Variants in MKLN1 observed in about 807,000 individuals in gnomAD.
MKLN1 encodes muskelin 1.
Under a neutral mutation model 99.0 loss-of-function variants are expected in MKLN1, and 18 were observed. That is an observed-to-expected ratio of 0.18 (90% CI 0.13 to 0.27). The LOEUF (loss-of-function observed/expected upper bound fraction) is 0.27. MKLN1 is among the 10% of genes least tolerant of loss of function. The pLI, the probability that MKLN1 is intolerant of heterozygous loss-of-function variation, is 1.00. For synonymous variants in MKLN1, 288 were observed against 293.2 expected, an observed-to-expected ratio of 0.98 and a Z score of 0.18; for missense variants, 621 against 875.9, an observed-to-expected ratio of 0.71 and a Z score of 3.67.
intron 1 of MKLN1, among the ~76,000 whole-genome samples, chr7:131,339,154 A>T (rs1284852836): frequency 2.6e-5 from 4 of 152,186 alleles, no homozygotes; most frequent in Non-Finnish European, 5.9e-5. Flanking sequence ...GTTAAGTTTT[A>T]TGGGAGTCAA....
At chr7:131,135,758 A>C (rs750959024) in intron 1 of MKLN1, among the ~76,000 whole-genome samples, 5 of 152,184 alleles carry the variant, frequency 3.3e-5, no homozygotes, top group Non-Finnish European at 7.3e-5. Context: ...CAGTGGAGTA[A>C]TAGGGGCAAA....
At chr7:131,291,844 C>A (rs546093869) in intron 3 of MKLN1, among the ~76,000 whole-genome samples, 7 of 151,056 alleles carry the variant, frequency 4.6e-5, no homozygotes, top group African/African-American at 1.7e-4. Flanking sequence ...GCAGCTCACA[C>A]CTGTAATAAC....
chr7:131,410,197 T>C (rs1348771052), intron 6 of MKLN1, among the ~76,000 whole-genome samples: 1 of 152,158 alleles, frequency 6.6e-6, no homozygotes, highest in Non-Finnish European at 1.5e-5. Flanking sequence ...GTGTAACAAC[T>C]TAAGTAGATT....
At chr7:131,193,265 A>G (rs1007057624) in intron 2 of MKLN1, among the ~76,000 whole-genome samples, 3 of 152,116 alleles carry the variant, frequency 2.0e-5, no homozygotes, top group Admixed American at 2.0e-4. Context: ...TCCTTACTAT[A>G]TGTCTTGTTG....
chr7:131,444,674 C>T (rs1395706229), intron 11 of MKLN1, among the ~76,000 whole-genome samples: 2 of 151,056 alleles, frequency 1.3e-5, no homozygotes, highest in Non-Finnish European at 2.9e-5. Context: ...CTTAGCCCCC[C>T]AAGTAGCTAA....
rs1205281135 is a variant in MKLN1, at chr7:131,464,354, A to G, written c.1734A>G (p.Glu578=). Residue 578 remains glutamate (E), a synonymous_variant, in exon 14 of 18, where the codon GAA becomes GAG. Coordinates refer to ENST00000352689, the MANE Select transcript of MKLN1 (RefSeq NM_013255.5). ...AKDNPTKSLQ[E]EEPCPRFAHQ... is the part of the protein sequence containing the mutation. ...ATAATCCAACTAAAAGTCTTCAGGA[A>G]GAAGAACCATGTCCAAGGTTTGCCC... 1.9e-6 allele frequency: 3 copies of G among 1,613,650 alleles called. No individual in the cohort carries two copies. The East Asian group carries it at 6.7e-5, about 36-fold the overall frequency.
At chr7:131,357,576 A>G in intron 1 of MKLN1, among the ~76,000 whole-genome samples, 1 of 152,162 alleles carries the variant, frequency 6.6e-6, no homozygotes, top group Non-Finnish European at 1.5e-5. Context: ...TATTTGTATC[A>G]TGTGGACTCA....
intron 6 of MKLN1, among the ~76,000 whole-genome samples, chr7:131,405,095 GAATTGTCTAT>G (rs930739212): frequency 3.1e-4 from 47 of 152,150 alleles, no homozygotes; most frequent in African/African-American, 1.1e-3. Context: ...ATTTTTCTAG[GAATTGTCTAT>G]AATTGTCTAT....
At chr7:131,388,719 C>T (rs1794107792) in intron 3 of MKLN1, among the ~76,000 whole-genome samples, 165 bp from the exon 4 acceptor site, 1 of 152,078 alleles carries the variant, frequency 6.6e-6, no homozygotes. Context: ...TTGAATGTAC[C>T]GGTTTTGACC....
intron 3 of MKLN1, among the ~76,000 whole-genome samples, chr7:131,204,438 G>C (rs1796775380): frequency 6.6e-6 from 1 of 152,126 alleles, no homozygotes; most frequent in East Asian, 1.9e-4. Flanking sequence ...TTTTAGAAAG[G>C]GAAATATCTC....
intron 2 of MKLN1, among the ~76,000 whole-genome samples, chr7:131,143,240 C>A (rs10441387): frequency 0.97 from 147,392 of 152,222 alleles, 71,552 homozygotes; most frequent in East Asian, 1. Flanking sequence ...AGGCCGAGGC[C>A]GGCAAATCAC....
At chr7:131,267,706 A>T (rs949834591) in intron 3 of MKLN1, among the ~76,000 whole-genome samples, 3 of 152,196 alleles carry the variant, frequency 2.0e-5, no homozygotes, top group Non-Finnish European at 4.4e-5. Context: ...AAGGGCTGTA[A>T]CAAGTTGTTT....
intron 3 of MKLN1, among the ~76,000 whole-genome samples, chr7:131,251,118 T>C (rs1797571486): frequency 6.9e-6 from 1 of 145,398 alleles, no homozygotes; most frequent in African/African-American, 2.5e-5. Flanking sequence ...TGTGTGTGTG[T>C]GTGTGTGTAC....
At chr7:131,143,352 G>A (rs915902058) in intron 2 of MKLN1, among the ~76,000 whole-genome samples, 5 of 152,224 alleles carry the variant, frequency 3.3e-5, no homozygotes, top group African/African-American at 9.6e-5. Context: ...CTGTAATTCC[G>A]CTACTTGGGA....
chr7:131,196,226 C>G (rs1796642689), intron 2 of MKLN1, among the ~76,000 whole-genome samples: 1 of 152,114 alleles, frequency 6.6e-6, no homozygotes, highest in African/African-American at 2.4e-5. Context: ...AGATGTTTCC[C>G]CATATTCCAT....
intron 2 of MKLN1, among the ~76,000 whole-genome samples, chr7:131,191,057 G>C (rs1052800484): frequency 3.4e-4 from 51 of 152,198 alleles, no homozygotes; most frequent in African/African-American, 1.2e-3. Flanking sequence ...GCTGTGACTA[G>C]CTAGGCCATA....
chr7:131,316,705 C>T (rs112887482), intron 3 of MKLN1, among the ~76,000 whole-genome samples: 5,047 of 152,112 alleles, frequency 0.033, 244 homozygotes, highest in African/African-American at 0.11. Flanking sequence ...AGCTAAGAAC[C>T]TTGATAAAAG....
chr7:131,342,520 A>T (rs1799438484), intron 1 of MKLN1, among the ~76,000 whole-genome samples: 1 of 152,228 alleles, frequency 6.6e-6, no homozygotes, highest in Admixed American at 6.5e-5. Context: ...ATCAAATGGG[A>T]GATATTTTTG....
chr7:131,192,067 T>C (rs535225466), intron 2 of MKLN1, among the ~76,000 whole-genome samples: 1 of 106,826 alleles, frequency 9.4e-6, no homozygotes, highest in African/African-American at 3.9e-5. Context: ...TATATATATA[T>C]TATATATATA....
Sources: gnomAD v4.1 joint callset for allele counts (sites outside exome capture counted in the v4.1 genomes callset) on GRCh38, gnomAD v4.1.1 for gene constraint, MANE v1.5 for transcripts, NCBI Gene and HGNC (gene_info 2026-07-23, HGNC 2026-07-21) for gene names.